MBNL2: variants seen among roughly 807,000 people sequenced by gnomAD.
MBNL2 encodes the protein muscleblind-like protein 2.
MBNL2 carries 17 observed loss-of-function variants against 41.9 expected under a neutral mutation model. That is an observed-to-expected ratio of 0.41 (90% confidence interval 0.28 to 0.61). The LOEUF (loss-of-function observed/expected upper bound fraction) is 0.61. Among genes scored for constraint, MBNL2 ranks in the 20% least tolerant of loss-of-function variants. The pLI, the probability that MBNL2 is intolerant of heterozygous loss-of-function variation, is 0.35. For missense variants in MBNL2, 336 were observed against 505.6 expected (o/e 0.66, Z 3.22); for synonymous variants, 195 against 182.9 (o/e 1.07, Z -0.53).
chr13:97,298,062 G>A (rs2057245681), intron 2 of MBNL2, among the ~76,000 whole-genome samples: 2 of 151,988 alleles, frequency 1.3e-5, no homozygotes, highest in African/African-American at 4.8e-5. Flanking sequence ...AACTTTCTCG[G>A]ACCTCTTCAG....
chr13:97,346,690 C>G lies in MBNL2; in HGVS notation c.541-114C>G. 2.7e-6 allele frequency: 2 copies of G among 735,626 alleles called. No homozygotes were observed. Among genetic ancestry groups the G allele is most frequent in the Non-Finnish European group, 4.5e-6 (2 of 445,378 alleles). The allele number at this position is 735,626 out of a possible 1,614,324, so 45.6% of individuals were successfully genotyped here. A position where few individuals can be genotyped will look rare whatever the true frequency, so the allele number is the denominator to read the frequency against. ...AATCAATCTTTTCTTGTCAGTGGTA[C>G]ATGAGCCACCATTGAAAGCGAGGCA... On this transcript the variant is annotated intron_variant, in intron 4 of 8. Transcript: ENST00000679496. The surrounding 1 kb of genome is among the most constrained non-coding windows in gnomAD (Gnocchi z 4.2).
At chr13:97,332,592 GT>G (rs2060521046) in intron 2 of MBNL2, among the ~76,000 whole-genome samples, 1 of 152,150 alleles carries the variant, frequency 6.6e-6, no homozygotes, top group Non-Finnish European at 1.5e-5. Flanking sequence ...AAAAGATTCA[GT>G]TTGCAAGAGA....
At chr13:97,262,736 C>A (rs1421408052) in intron 1 of MBNL2, among the ~76,000 whole-genome samples, 1 of 151,952 alleles carries the variant, frequency 6.6e-6, no homozygotes, top group Non-Finnish European at 1.5e-5. Flanking sequence ...CACACAGGAC[C>A]CACATTTTGA....
At chr13:97,202,926 T>C in the MBNL2 span, among the ~76,000 whole-genome samples, 1 of 152,138 alleles carries the variant, frequency 6.6e-6, no homozygotes, top group African/African-American at 2.4e-5. Context: ...GTAGATTTTG[T>C]TTATTGCGAA....
chr13:97,371,619 G>A (rs2064389266), intron 8 of MBNL2, among the ~76,000 whole-genome samples: 1 of 151,990 alleles, frequency 6.6e-6, no homozygotes, highest in Non-Finnish European at 1.5e-5. Flanking sequence ...GAATAGTGAT[G>A]GAAACAGTAC....
At chr13:97,155,821 A>T in the MBNL2 span, among the ~76,000 whole-genome samples, 1 of 150,806 alleles carries the variant, frequency 6.6e-6, no homozygotes, top group East Asian at 1.9e-4. Context: ...GTTGGTTCCA[A>T]GTCTTTGCTA....
intron 2 of MBNL2, among the ~76,000 whole-genome samples, chr13:97,300,312 T>C (rs1043188252): frequency 1.3e-5 from 2 of 152,208 alleles, no homozygotes; most frequent in African/African-American, 2.4e-5. Context: ...TAAGTTTTGG[T>C]GGACAGCTAA....
At chr13:97,333,943 AAAAG>A (rs141167556) in intron 2 of MBNL2, among the ~76,000 whole-genome samples, 3,577 of 142,980 alleles carry the variant, frequency 0.025, 201 homozygotes, top group African/African-American at 0.092. Flanking sequence ...AGAAAGAAAG[AAAAG>A]AAAGAAAGAA....
intron 2 of MBNL2, among the ~76,000 whole-genome samples, chr13:97,317,411 A>T (rs1333557905): frequency 6.6e-6 from 1 of 152,188 alleles, no homozygotes; most frequent in African/African-American, 2.4e-5. Flanking sequence ...CACGTGTTTC[A>T]TATTGGGGTC....
the MBNL2 span, among the ~76,000 whole-genome samples, chr13:97,211,324 C>T: frequency 3.3e-5 from 5 of 152,082 alleles, no homozygotes; most frequent in Non-Finnish European, 7.4e-5. Flanking sequence ...GGTTGGCAAT[C>T]CCATGGGTTG....
At chr13:97,355,275 C>T (rs948614479) in intron 5 of MBNL2, among the ~76,000 whole-genome samples, 5 of 152,110 alleles carry the variant, frequency 3.3e-5, no homozygotes, top group Non-Finnish European at 5.9e-5. Flanking sequence ...GTCCTTTCTA[C>T]TTGATTTCTA....
At chr13:97,195,057 T>C in the MBNL2 span, among the ~76,000 whole-genome samples, 1 of 152,224 alleles carries the variant, frequency 6.6e-6, no homozygotes, top group Non-Finnish European at 1.5e-5. Context: ...TCGCACTTTA[T>C]TCTATGAACT....
chr13:97,153,265 T>C, the MBNL2 span, among the ~76,000 whole-genome samples: 1 of 152,050 alleles, frequency 6.6e-6, no homozygotes, highest in Non-Finnish European at 1.5e-5. Flanking sequence ...AATATAATTA[T>C]GTAGAAAGAA....
the MBNL2 span, among the ~76,000 whole-genome samples, chr13:97,147,499 T>G: frequency 6.6e-6 from 1 of 152,148 alleles, no homozygotes; most frequent in African/African-American, 2.4e-5. Context: ...ACTGACTAAA[T>G]AAAGAAATGC....
upstream of MBNL2, among the ~76,000 whole-genome samples, chr13:97,218,798 G>A (rs2040625695): frequency 6.6e-6 from 1 of 151,776 alleles, no homozygotes; most frequent in Non-Finnish European, 1.5e-5. Context: ...AAAAGATTAA[G>A]TCCAGCTTGG....
At chr13:97,163,260 C>CAA in the MBNL2 span, among the ~76,000 whole-genome samples, 1 of 152,036 alleles carries the variant, frequency 6.6e-6, no homozygotes, top group Non-Finnish European at 1.5e-5. Flanking sequence ...GAAAAAAGGA[C>CAA]AAATCGAGGT....
chr13:97,351,420 A>C (rs904763328), intron 5 of MBNL2, among the ~76,000 whole-genome samples: 12 of 152,194 alleles, frequency 7.9e-5, no homozygotes, highest in Non-Finnish European at 1.5e-4. Flanking sequence ...CTGTACTTTG[A>C]AGGTTTGAAG....
At position 97,352,087 on chromosome 13, in the gene MBNL2, TTGGCTTAAGGGAATGCTG is replaced by T. The variant is rs570033823; in HGVS notation, c.805-4703_805-4686del. 1.7e-3 allele frequency among the ~76,000 whole-genome samples: 265 copies of T among 152,026 alleles called. 5 individuals carry two copies. The highest frequency in any genetic ancestry group is 2.5e-3 in the Admixed American group (38 of 15,278). ...AATAAATAAATAAATAAGGTAGGCA[TTGGCTTAAGGGAATGCTG>T]TGGCTGGTTAGATCTGTCCAGCCCA... On this transcript the variant is annotated intron_variant, in intron 5 of 8. Transcript: ENST00000679496.
chr13:97,229,305 C>T (rs548739752), intron 1 of MBNL2, among the ~76,000 whole-genome samples: 81 of 151,854 alleles, frequency 5.3e-4, no homozygotes, highest in Middle Eastern at 3.4e-3. Context: ...GCTGCCTCCT[C>T]TGGGTCTGAA....
Sources: allele counts gnomAD v4.1 joint callset (sites outside exome capture counted in the v4.1 genomes callset), GRCh38; gene constraint gnomAD v4.1.1; non-coding constraint Gnocchi (gnomAD v3.1); transcripts MANE v1.5; gene names NCBI Gene and HGNC (gene_info 2026-07-23, HGNC 2026-07-21).